PCDHGB4: variants seen among roughly 807,000 people sequenced by gnomAD.
The protein encoded by PCDHGB4 is protocadherin gamma subfamily B, 4, also known as protocadherin gamma-B4.
PCDHGB4 carries 38 observed loss-of-function variants against 60.5 expected under a neutral mutation model. The ratio of observed to expected loss-of-function variants is 0.63; its 90% CI spans 0.48 to 0.82. The LOEUF (loss-of-function observed/expected upper bound fraction) is 0.82. Ranked by LOEUF, PCDHGB4 falls within the 40% of genes least tolerant of loss-of-function variation. PCDHGB4 has a pLI of 0.00. For synonymous variants in PCDHGB4, 456 were observed against 509.7 expected (o/e 0.89, Z 1.42); for missense variants, 1,109 against 1,209.6 (o/e 0.92, Z 1.23).
At chr5:141,400,856 A>G (rs1026499885) in intron 1 of PCDHGB4, among the ~76,000 whole-genome samples, 6 of 152,192 alleles carry the variant, frequency 3.9e-5, no homozygotes, top group Non-Finnish European at 8.8e-5. Context: ...ATTTTATTGT[A>G]TGTAGATAAA....
Position 141,387,726 on chromosome 5 carries a change from G to C in PCDHGB4, c.-159G>C. 7 of 1,198,740 alleles carry C rather than the reference G, an allele frequency of 5.8e-6. No homozygotes were observed. The highest frequency in any genetic ancestry group is 8.0e-6 in the Non-Finnish European group (7 of 871,430). The allele number at this position is 1,198,740 out of a possible 1,614,324, so 74.3% of individuals were successfully genotyped here. ...GCAGCCCCAGCTCAGACTCCCCAGC[G>C]CCAGCCTTTACACCGCTTCCTCCTC... is the stretch of plus-strand genomic sequence containing the variant. On this transcript the variant is annotated 5_prime_UTR_variant, in exon 1 of 4. Transcript: ENST00000519479.
chr5:141,422,011 G>T (rs200879435), intron 1 of PCDHGB4: 2 of 1,610,252 alleles, frequency 1.2e-6, no homozygotes, highest in East Asian at 2.2e-5. Flanking sequence ...CGGAACTCGG[G>T]TGCTGATGGT....
At chr5:141,478,442 C>G (rs1245219009) in intron 1 of PCDHGB4, 1 of 1,613,608 alleles carries the variant, frequency 6.2e-7, no homozygotes, top group Non-Finnish European at 8.5e-7. Flanking sequence ...GCTGAAGAAA[C>G]CTGGTGCAGC....
At chr5:141,480,942 G>T (rs2099528600) in intron 1 of PCDHGB4, among the ~76,000 whole-genome samples, 3 of 152,132 alleles carry the variant, frequency 2.0e-5, no homozygotes, top group Non-Finnish European at 2.9e-5. Flanking sequence ...CTACTCTAGA[G>T]GCTGAGGCGG....
intron 1 of PCDHGB4, chr5:141,396,140 G>A (rs1199993001): frequency 2.0e-5 from 3 of 152,178 alleles, no homozygotes; most frequent in Non-Finnish European, 4.4e-5. Flanking sequence ...TTCTAAATAA[G>A]CTGATCAATT....
chr5:141,417,800 C>T, intron 1 of PCDHGB4: 1 of 1,489,386 alleles, frequency 6.7e-7, no homozygotes. Context: ...TCTTTTAGCG[C>T]GGTAGAGTGC....
chr5:141,393,922 G>C (rs750880965), intron 1 of PCDHGB4: 16 of 1,613,832 alleles, frequency 9.9e-6, no homozygotes, highest in Middle Eastern at 1.6e-4. Context: ...GCCTTCTTGA[G>C]TGTGCATGAC....
In PCDHGB4 at chr5:141,409,031, A is replaced by G. The variant is rs748995883; in HGVS notation, c.2397+18750A>G. The G allele has an allele frequency of 1.2e-6, 2 of 1,614,032 alleles. No individual in the cohort carries two copies. The highest frequency in any genetic ancestry group is 1.7e-6 in the Non-Finnish European group (2 of 1,179,904). The stretch of plus-strand genomic sequence containing the variant: ...CCAGGATGAGGGGGTCAATGCTGAG[A>G]TAAACTACTACTTCCGAAGCACTGC... On this transcript the variant is annotated intron_variant, in intron 1 of 3. Transcript: ENST00000519479.
rs368371918 is a variant in PCDHGB4 at position 141,432,800 on chromosome 5, C to G, written c.2397+42519C>G. Reference sequence around the variant, plus strand: ...GGCGGACCTCGGCAGCCTCGAGTCTCCAGCTAACTCTGAAACCTCAGACCT... The same window carrying G: ...GGCGGACCTCGGCAGCCTCGAGTCTGCAGCTAACTCTGAAACCTCAGACCT... On this transcript the variant is annotated intron_variant, in intron 1 of 3. Coordinates refer to ENST00000519479, the MANE Select transcript of PCDHGB4 (RefSeq NM_003736.4). This position sits in a 1 kb window ranked among gnomAD's most constrained non-coding sequence, Gnocchi z 6.0. The G allele has an allele frequency of 9.9e-6, 16 of 1,614,038 alleles. No individual in the cohort carries two copies. Among genetic ancestry groups the G allele is most frequent in the Non-Finnish European group, 1.3e-5 (15 of 1,180,016 alleles).
Position 141,491,880 on chromosome 5 carries a change from G to C in PCDHGB4, c.2398-2927G>C. ...GCGAAACCAGAGTGGCCGATTAAGG[G>C]ATGGGGCTCCGAGCACCGGGGGTGG... On this transcript the variant is annotated intron_variant, in intron 1 of 3. Transcript: ENST00000519479. This position sits in a 1 kb window ranked among gnomAD's most constrained non-coding sequence, Gnocchi z 6.9. 1 of 1,449,834 alleles carries C rather than the reference G, an allele frequency of 6.9e-7. No individual in the cohort carries two copies. 89.8% of individuals were successfully genotyped at this position (1,449,834 alleles called of 1,614,324 possible).
At position 141,390,020 on chromosome 5, in the gene PCDHGB4, C is replaced by A; in HGVS notation, c.2136C>A (p.Arg712=). The A allele has an allele frequency of 1.2e-6, 2 of 1,614,048 alleles. No individual in the cohort carries two copies. The highest frequency in any genetic ancestry group is 1.7e-6 in the Non-Finnish European group (2 of 1,179,906). ...LVAMILAIAL[R]LRRSSSPASW... ...CCATGATTCTGGCCATTGCCTTGCG[C>A]CTGCGACGCTCCTCCAGCCCCGCCT... is the stretch of plus-strand genomic sequence containing the variant. Residue 712 remains arginine, a synonymous_variant, in exon 1 of 4, where the codon CGC becomes CGA. Transcript: ENST00000519479.
At chr5:141,452,742 G>C (rs779371001) in intron 1 of PCDHGB4, among the ~76,000 whole-genome samples, 7 of 152,010 alleles carry the variant, frequency 4.6e-5, no homozygotes, top group Non-Finnish European at 8.8e-5. Context: ...GGAAGAGAGA[G>C]AAGGAAGAAG....
chr5:141,449,584 G>C (rs2098645697), intron 1 of PCDHGB4, among the ~76,000 whole-genome samples: 1 of 123,190 alleles, frequency 8.1e-6, no homozygotes, highest in South Asian at 2.5e-4. Context: ...GCAAGACTCT[G>C]TCTCAAAAAA....
chr5:141,509,144 G>A (rs969990007), intron 3 of PCDHGB4, among the ~76,000 whole-genome samples: 1 of 152,114 alleles, frequency 6.6e-6, no homozygotes, highest in African/African-American at 2.4e-5. Context: ...GGCGCATCCC[G>A]GCTCTCCCCT....
rs751034521 is a variant in PCDHGB4, at chr5:141,405,112, C to A, written c.2397+14831C>A. ...TGGCCCTCAGGCTGAGGCACTGGCA[C>A]TCCTCGCATCTGCTGCGGGCTACCA... On this transcript the variant is annotated intron_variant, in intron 1 of 3. Coordinates refer to ENST00000519479, the MANE Select transcript of PCDHGB4 (RefSeq NM_003736.4). 4.5e-5 allele frequency: 73 copies of A among 1,613,868 alleles called. 1 individual carries two copies. The Middle Eastern group carries it at 5.9e-3, about 131-fold the overall frequency.
Position 141,489,714 on chromosome 5 carries a change from G to C in PCDHGB4, c.2398-5093G>C, listed in dbSNP as rs770143357. On this transcript the variant is annotated intron_variant, in intron 1 of 3. Coordinates refer to ENST00000519479, the MANE Select transcript of PCDHGB4 (RefSeq NM_003736.4). The surrounding 1 kb of genome is among the most constrained non-coding windows in gnomAD (Gnocchi z 4.5). Reference sequence around the variant, plus strand: ...CACGATTCCCACTGGACAGTGCCCAGGATCCGGATGTGGGCACCAATACTG... The same window carrying C: ...CACGATTCCCACTGGACAGTGCCCACGATCCGGATGTGGGCACCAATACTG... 7.4e-6 allele frequency: 12 copies of C among 1,613,958 alleles called. No individual in the cohort carries two copies. The highest frequency in any genetic ancestry group is 1.0e-5 in the Non-Finnish European group (12 of 1,179,930).
intron 1 of PCDHGB4, among the ~76,000 whole-genome samples, chr5:141,480,689 C>A (rs1266042791): frequency 6.6e-6 from 1 of 152,126 alleles, no homozygotes; most frequent in Non-Finnish European, 1.5e-5. Flanking sequence ...AATTCTGAAA[C>A]CCAGGCCACA....
rs781346812 is a variant in PCDHGB4, at chr5:141,489,773, T to A, written c.2398-5034T>A. 6.2e-7 allele frequency: 1 copy of A among 1,614,102 alleles called. No individual in the cohort carries two copies. The highest frequency in any genetic ancestry group is 8.5e-7 in the Non-Finnish European group (1 of 1,179,984). ...TACACTCTAAGCCCCAACAGCCACT[T>A]CTCTCTGAATGTGAAGACCCTAAAA... is the stretch of plus-strand genomic sequence containing the variant. On this transcript the variant is annotated intron_variant, in intron 1 of 3. Transcript: ENST00000519479. The surrounding 1 kb of genome is among the most constrained non-coding windows in gnomAD (Gnocchi z 4.5).
At chr5:141,414,703 T>C in intron 1 of PCDHGB4, 1 of 1,613,994 alleles carries the variant, frequency 6.2e-7, no homozygotes. Flanking sequence ...CTCATACATA[T>C]CCATCAACTC....
Sources: allele counts gnomAD v4.1 joint callset (sites outside exome capture counted in the v4.1 genomes callset), GRCh38; gene constraint gnomAD v4.1.1; non-coding constraint Gnocchi (gnomAD v3.1); transcripts MANE v1.5; gene names NCBI Gene and HGNC (gene_info 2026-07-23, HGNC 2026-07-21).